PRDM5: variants seen among roughly 807,000 people sequenced by gnomAD.
PRDM5 encodes the protein PR domain zinc finger protein 5.
Under a neutral mutation model 81.2 loss-of-function variants are expected in PRDM5, and 56 were observed. The ratio of observed to expected loss-of-function variants is 0.69; its 90% CI spans 0.56 to 0.86. PRDM5 has a LOEUF of 0.86. Among genes scored for constraint, PRDM5 ranks in the 40% least tolerant of loss-of-function variants. The pLI, the probability that PRDM5 is intolerant of heterozygous loss-of-function variation, is 0.00. For missense variants in PRDM5, 697 were observed against 770.1 expected (o/e 0.91, Z 1.12); for synonymous variants, 267 against 256.4 (o/e 1.04, Z -0.39).
intron 14 of PRDM5, among the ~76,000 whole-genome samples, chr4:120,739,410 G>A (rs1343568925): frequency 6.6e-6 from 1 of 152,068 alleles, no homozygotes; most frequent in Non-Finnish European, 1.5e-5. Context: ...GTTCTAGATG[G>A]GTAGTACCAG....
intron 14 of PRDM5, among the ~76,000 whole-genome samples, chr4:120,752,679 A>G (rs1442450632): frequency 6.6e-6 from 1 of 152,186 alleles, no homozygotes; most frequent in Non-Finnish European, 1.5e-5. Context: ...ATGAGAAAAT[A>G]TTCAATTAAA....
intron 3 of PRDM5, chr4:120,838,001 T>C (rs1757557290): frequency 6.6e-6 from 1 of 152,182 alleles, no homozygotes; most frequent in Non-Finnish European, 1.5e-5. Flanking sequence ...ATAGACACAC[T>C]AGTCAAATGA....
chr4:120,840,728 G>A (rs1308667504), intron 3 of PRDM5, among the ~76,000 whole-genome samples: 2 of 152,178 alleles, frequency 1.3e-5, no homozygotes, highest in Non-Finnish European at 2.9e-5. Context: ...CCCACGATAG[G>A]CCTGACAGGC....
chr4:120,817,980 G>T (rs142512411), intron 5 of PRDM5, among the ~76,000 whole-genome samples: 1 of 152,194 alleles, frequency 6.6e-6, no homozygotes, highest in African/African-American at 2.4e-5. Context: ...ATTCCAGAAG[G>T]AATATAAAAC....
At chr4:120,709,860 T>C (rs1373983465) in intron 15 of PRDM5, among the ~76,000 whole-genome samples, 2 of 152,236 alleles carry the variant, frequency 1.3e-5, no homozygotes, top group African/African-American at 4.8e-5. Context: ...AACAGCATTA[T>C]TTAACACAAA....
chr4:120,906,359 T>C (rs904166893), intron 2 of PRDM5, among the ~76,000 whole-genome samples: 1 of 152,196 alleles, frequency 6.6e-6, no homozygotes, highest in African/African-American at 2.4e-5. Context: ...AGGTTTACCG[T>C]CCAGGAGCAA....
At chr4:120,863,176 AT>A (rs1376121541) in intron 2 of PRDM5, among the ~76,000 whole-genome samples, 1,637 of 31,542 alleles carry the variant, frequency 0.052, 45 homozygotes, top group South Asian at 0.17. Flanking sequence ...AAAAAAAAAA[AT>A]ATATATATAT....
At chr4:120,763,297 T>A (rs1578640088) in intron 13 of PRDM5, among the ~76,000 whole-genome samples, 2 of 152,032 alleles carry the variant, frequency 1.3e-5, no homozygotes, top group East Asian at 1.9e-4. Flanking sequence ...CAAATTTTTT[T>A]AAAAAAGAAT....
intron 14 of PRDM5, among the ~76,000 whole-genome samples, chr4:120,754,140 T>C (rs1450792016): frequency 6.6e-6 from 1 of 152,238 alleles, no homozygotes; most frequent in African/African-American, 2.4e-5. Flanking sequence ...AATGTCTTTC[T>C]TGCAAATATA....
At chr4:120,750,667 C>G (rs1335727519) in intron 14 of PRDM5, among the ~76,000 whole-genome samples, 1 of 147,830 alleles carries the variant, frequency 6.8e-6, no homozygotes, top group African/African-American at 2.5e-5. Context: ...GTCTCCTAGA[C>G]TTAGAGACTT....
intron 1 of PRDM5, among the ~76,000 whole-genome samples, chr4:120,913,576 G>A (rs887354013): frequency 6.6e-6 from 1 of 152,182 alleles, no homozygotes; most frequent in East Asian, 1.9e-4. Context: ...AAAAAGAATT[G>A]TGGGTATATG....
chr4:120,775,511 A>G (rs900949197), intron 13 of PRDM5, among the ~76,000 whole-genome samples: 1 of 152,170 alleles, frequency 6.6e-6, no homozygotes, highest in Non-Finnish European at 1.5e-5. Flanking sequence ...CTGTGCTGGT[A>G]GCTATGTCTT....
intron 2 of PRDM5, among the ~76,000 whole-genome samples, chr4:120,862,600 T>C (rs1298632491): frequency 1.3e-5 from 2 of 152,168 alleles, no homozygotes; most frequent in Non-Finnish European, 2.9e-5. Context: ...GTTTGGCCTT[T>C]GGTGGGCATG....
At position 120,777,174 on chromosome 4, in the gene PRDM5, T is replaced by C. The variant is rs1748286011; in HGVS notation, c.1537+14A>G. 6.2e-7 allele frequency: 1 copy of C among 1,613,150 alleles called. No individual in the cohort carries two copies. The highest frequency in any genetic ancestry group is 1.7e-5 in the Admixed American group (1 of 59,928). On this transcript the variant is annotated intron_variant, in intron 13 of 15. Transcript: ENST00000264808. Reference sequence around the variant, plus strand: ...TAAGTGGTTTTTTCACTAGTCTAATTACAATCTCCATACCTGTGTGGCTCC... The same window carrying C: ...TAAGTGGTTTTTTCACTAGTCTAATCACAATCTCCATACCTGTGTGGCTCC...
At chr4:120,755,416 C>T (rs1744589422) in intron 13 of PRDM5, among the ~76,000 whole-genome samples, 1 of 152,192 alleles carries the variant, frequency 6.6e-6, no homozygotes, top group African/African-American at 2.4e-5. Context: ...TTTCATTTAA[C>T]AATGTACTTA....
Position 120,748,696 on chromosome 4 carries a change from C to T in PRDM5, c.1623+5857G>A, listed in dbSNP as rs76195595. 3.1e-3 allele frequency among the ~76,000 whole-genome samples: 472 copies of T among 151,844 alleles called. 3 individuals are homozygous for T. Among genetic ancestry groups the T allele is most frequent in the African/African-American group, 0.011 (450 of 41,398 alleles). On this transcript the variant is annotated intron_variant, in intron 14 of 15. Transcript: ENST00000264808. Reference sequence around the variant, plus strand: ...ACCTGCTCCCTCCAAATAGCTCTCTCCTCCACCACACAAGCAAAGAACAAA... The same window carrying T: ...ACCTGCTCCCTCCAAATAGCTCTCTTCTCCACCACACAAGCAAAGAACAAA...
At chr4:120,686,186 T>C (rs145586835) in intron 1 of PRDM5, among the ~76,000 whole-genome samples, 3 of 151,890 alleles carry the variant, frequency 2.0e-5, no homozygotes, top group African/African-American at 7.2e-5. Flanking sequence ...ATATCCTGCA[T>C]AACTGTGAGC....
At chr4:120,904,189 CA>C (rs1170050475) in intron 2 of PRDM5, among the ~76,000 whole-genome samples, 8 of 42,590 alleles carry the variant, frequency 1.9e-4, no homozygotes, top group East Asian at 9.1e-4. Context: ...GACTCCTTCT[CA>C]AAAAAAAAAA....
chr4:120,855,446 G>A (rs1759766526), intron 2 of PRDM5, among the ~76,000 whole-genome samples: 1 of 152,100 alleles, frequency 6.6e-6, no homozygotes, highest in African/African-American at 2.4e-5. Flanking sequence ...TGCTTTGGGA[G>A]GTGCCTGAAA....
Sources: gnomAD v4.1 joint callset for allele counts (sites outside exome capture counted in the v4.1 genomes callset) on GRCh38, gnomAD v4.1.1 for gene constraint, MANE v1.5 for transcripts, NCBI Gene and HGNC (gene_info 2026-07-23, HGNC 2026-07-21) for gene names.